The following WDR59 variants were observed in gnomAD, a reference collection of about 807,000 sequenced individuals.
WDR59 encodes WD repeat domain 59.
WDR59 carries 100 observed loss-of-function variants against 131.2 expected under a neutral mutation model. That is an observed-to-expected ratio of 0.76 (90% CI 0.65 to 0.90). WDR59 has a LOEUF of 0.90. WDR59 is among the 40% of genes least tolerant of loss of function. The pLI is 0.00. For synonymous variants in WDR59, 601 were observed against 466.2 expected (o/e 1.29, Z -3.72); for missense variants, 1,203 against 1,262.2 (o/e 0.95, Z 0.71).
intron 11 of WDR59, among the ~76,000 whole-genome samples, chr16:74,916,628 G>A (rs988248441): frequency 3.3e-5 from 5 of 152,188 alleles, no homozygotes; most frequent in African/African-American, 1.2e-4. Flanking sequence ...GGAGGCCGAG[G>A]CAGGTGGATC....
At chr16:74,897,797 T>C (rs1216005975) in intron 18 of WDR59, among the ~76,000 whole-genome samples, 3 of 152,188 alleles carry the variant, frequency 2.0e-5, no homozygotes, top group Middle Eastern at 3.2e-3. Flanking sequence ...GGCTGCAAAA[T>C]ACTGTCACTG....
chr16:74,875,146 G>A (rs28687393), intron 25 of WDR59, among the ~76,000 whole-genome samples: 5 of 152,152 alleles, frequency 3.3e-5, no homozygotes, highest in Admixed American at 6.5e-5. Flanking sequence ...CTTTACCAAC[G>A]CCTGCTACTG....
rs376472440 is a variant in WDR59 at position 74,922,147 on chromosome 16, G to A, written c.730-44C>T. The A allele has an allele frequency of 2.1e-5, 34 of 1,607,298 alleles. 2 individuals are homozygous for A. The highest frequency in any genetic ancestry group is 1.3e-4 in the Admixed American group (8 of 59,480). ...AAGCAGGTGATTAGATTATTTCAGG[G>A]AGAATCAGCTGAGTCTTGAGTTTCC... On this transcript the variant is annotated intron_variant, in intron 9 of 25. Transcript: ENST00000262144.
chr16:74,896,147 A>C (rs1209932801), intron 18 of WDR59, among the ~76,000 whole-genome samples: 1 of 152,196 alleles, frequency 6.6e-6, no homozygotes, highest in African/African-American at 2.4e-5. Context: ...GATCCATCTA[A>C]TTTGGTCTTC....
chr16:74,977,098 T>A (rs2034216581), intron 1 of WDR59, among the ~76,000 whole-genome samples: 1 of 151,230 alleles, frequency 6.6e-6, no homozygotes. Flanking sequence ...TAGCTGGGAG[T>A]GGTAACTCAC....
chr16:74,977,472 A>T (rs1196178195), intron 1 of WDR59, among the ~76,000 whole-genome samples: 1 of 151,874 alleles, frequency 6.6e-6, no homozygotes, highest in Non-Finnish European at 1.5e-5. Flanking sequence ...GCAGATCACG[A>T]TGTCAGGAGA....
intron 2 of WDR59, among the ~76,000 whole-genome samples, chr16:74,964,036 G>GA (rs1000993783): frequency 1.3e-5 from 2 of 151,056 alleles, no homozygotes; most frequent in African/African-American, 4.9e-5. Flanking sequence ...CTAAAAAAAA[G>GA]AAAAAAAGAA....
chr16:74,874,543 A>C lies in WDR59; in HGVS notation c.2690-99T>G. Reference sequence around the variant, plus strand: ...CAGGAAGAAGGAAGTCTTCCTCTCAAGACTCTAGCAGATTCTCTTAGACCA... The same window carrying C: ...CAGGAAGAAGGAAGTCTTCCTCTCACGACTCTAGCAGATTCTCTTAGACCA... On this transcript the variant is annotated intron_variant, in intron 25 of 25. Transcript: ENST00000262144. 5.7e-6 allele frequency: 5 copies of C among 877,462 alleles called. No homozygotes were observed. In the South Asian group the frequency reaches 8.2e-5, roughly 14 times the overall value. 54.4% of individuals were successfully genotyped at this position (877,462 alleles called of 1,614,324 possible).
intron 1 of WDR59, among the ~76,000 whole-genome samples, chr16:74,983,440 T>C (rs1478480268): frequency 6.6e-6 from 1 of 151,838 alleles, no homozygotes; most frequent in Non-Finnish European, 1.5e-5. Flanking sequence ...GCCACTACAC[T>C]ACAGTCTGGG....
intron 18 of WDR59, among the ~76,000 whole-genome samples, chr16:74,896,586 G>C (rs1465148944): frequency 6.6e-6 from 1 of 151,696 alleles, no homozygotes; most frequent in Non-Finnish European, 1.5e-5. Flanking sequence ...AGTGAGCTGA[G>C]GTCGCGCCCC....
intron 25 of WDR59, among the ~76,000 whole-genome samples, chr16:74,879,904 G>A (rs1964396650): frequency 6.6e-6 from 1 of 152,108 alleles, no homozygotes; most frequent in Non-Finnish European, 1.5e-5. Flanking sequence ...AGTCTGCTGG[G>A]GCTGGGTGTG....
Position 74,918,016 on chromosome 16 carries a change from T to C in WDR59, c.887-8A>G. 6.2e-7 allele frequency: 1 copy of C among 1,612,876 alleles called. No individual in the cohort carries two copies. The highest frequency in any genetic ancestry group is 8.5e-7 in the Non-Finnish European group (1 of 1,179,488). The stretch of plus-strand genomic sequence containing the variant: ...GTTGATAGTCCTTGGACCCTAGAAA[T>C]CACCAAATAAGAATCCTGGAAATTC... On this transcript the variant is annotated splice_polypyrimidine_tract_variant and splice_region_variant and intron_variant, in intron 10 of 25. Coordinates refer to ENST00000262144, the MANE Select transcript of WDR59 (RefSeq NM_030581.4).
At chr16:74,885,590 T>C (rs1964714276) in intron 25 of WDR59, 63 bp downstream of exon 25, 2 of 1,579,194 alleles carry the variant, frequency 1.3e-6, no homozygotes, top group Middle Eastern at 1.7e-4. Flanking sequence ...TCTGAGGCTG[T>C]GGACATATTA....
intron 8 of WDR59, among the ~76,000 whole-genome samples, chr16:74,934,851 G>C (rs1320457736): frequency 6.6e-6 from 1 of 150,392 alleles, no homozygotes; most frequent in Non-Finnish European, 1.5e-5. Context: ...AATATCAGAA[G>C]AGCCTTGGTC....
Position 74,942,846 on chromosome 16 carries a change from A to G in WDR59, c.446-20T>C, listed in dbSNP as rs2032338683. 6.2e-7 allele frequency: 1 copy of G among 1,610,852 alleles called. No homozygotes were observed. Among genetic ancestry groups the G allele is most frequent in the Admixed American group, 1.7e-5 (1 of 59,764 alleles). ...CACCCGCTGCAAAGAAAAATCAGGG[A>G]AGAAAGCTGCTGCCCTTGGTGCTTT... On this transcript the variant is annotated intron_variant, in intron 6 of 25. Coordinates refer to ENST00000262144, the MANE Select transcript of WDR59 (RefSeq NM_030581.4).
chr16:74,897,864 G>A (rs1286638157), intron 18 of WDR59, among the ~76,000 whole-genome samples: 1 of 152,160 alleles, frequency 6.6e-6, no homozygotes, highest in African/African-American at 2.4e-5. Flanking sequence ...CTCCCCTTCA[G>A]GCTTCAGGGG....
intron 6 of WDR59, among the ~76,000 whole-genome samples, chr16:74,948,271 G>C (rs1321340550): frequency 6.6e-6 from 1 of 152,182 alleles, no homozygotes; most frequent in African/African-American, 2.4e-5. Flanking sequence ...CTTGGCTCTT[G>C]TCCTTGGACT....
intron 8 of WDR59, among the ~76,000 whole-genome samples, chr16:74,931,818 G>C (rs1033250546): frequency 6.6e-6 from 1 of 151,942 alleles, no homozygotes; most frequent in African/African-American, 2.4e-5. Context: ...AGCCTGAAGT[G>C]AGCTGTGATT....
chr16:74,888,656 A>T (rs1964892142), intron 21 of WDR59, among the ~76,000 whole-genome samples: 1 of 152,212 alleles, frequency 6.6e-6, no homozygotes, highest in Admixed American at 6.5e-5. Flanking sequence ...GCGAGCCAAT[A>T]CATGCTCTGT....
Sources: allele counts gnomAD v4.1 joint callset (sites outside exome capture counted in the v4.1 genomes callset), GRCh38; gene constraint gnomAD v4.1.1; transcripts MANE v1.5; gene names NCBI Gene and HGNC (gene_info 2026-07-23, HGNC 2026-07-21).